PTPRD: variants seen among roughly 807,000 people sequenced by gnomAD.
The protein encoded by PTPRD is receptor-type tyrosine-protein phosphatase delta.
Under a neutral mutation model 214.5 loss-of-function variants are expected in PTPRD, and 34 were observed. The ratio of observed to expected loss-of-function variants is 0.16; its 90% confidence interval spans 0.12 to 0.21. The LOEUF (loss-of-function observed/expected upper bound fraction) is 0.21. Ranked by LOEUF, PTPRD falls within the 10% of genes least tolerant of loss-of-function variation. The probability of loss-of-function intolerance (pLI) is 1.00; values close to 1 mark genes in which losing one functional copy is unlikely to be tolerated. For missense variants in PTPRD, 2,545 were observed against 2,398.7 expected, an observed-to-expected ratio of 1.06 and a Z score of -1.27; for synonymous variants, 1,128 against 845.7, an observed-to-expected ratio of 1.33 and a Z score of -5.79.
chr9:9,535,216 C>T (rs562444289), intron 8 of PTPRD, among the ~76,000 whole-genome samples: 2 of 152,036 alleles, frequency 1.3e-5, no homozygotes, highest in Admixed American at 1.3e-4. Context: ...CAAACACATA[C>T]TGATTCATTT....
intron 4 of PTPRD, among the ~76,000 whole-genome samples, chr9:9,995,866 A>C (rs2096103449): frequency 6.6e-6 from 1 of 152,150 alleles, no homozygotes; most frequent in Non-Finnish European, 1.5e-5. Flanking sequence ...CCTATTACTC[A>C]GTTACTGTTA....
intron 4 of PTPRD, among the ~76,000 whole-genome samples, chr9:9,973,757 T>C (rs1261771942): frequency 2.0e-5 from 3 of 152,164 alleles, no homozygotes; most frequent in Admixed American, 2.0e-4. Flanking sequence ...AACATGTTAC[T>C]TGGCACAGAG....
At chr9:8,821,986 A>G (rs1449633991) in intron 11 of PTPRD, among the ~76,000 whole-genome samples, 1 of 152,182 alleles carries the variant, frequency 6.6e-6, no homozygotes, top group African/African-American at 2.4e-5. Context: ...TTAACAAGGC[A>G]AAAGTCTTTA....
intron 2 of PTPRD, among the ~76,000 whole-genome samples, chr9:10,540,277 C>A (rs959551413): frequency 2.0e-5 from 3 of 152,186 alleles, no homozygotes; most frequent in African/African-American, 7.2e-5. Context: ...ATCTTCCTGC[C>A]TCGGCCTCCC....
chr9:9,551,651 C>T (rs2080281383), intron 8 of PTPRD, among the ~76,000 whole-genome samples: 1 of 151,948 alleles, frequency 6.6e-6, no homozygotes, highest in Admixed American at 6.6e-5. Context: ...TTTCATCAAG[C>T]CTTCTTTAAT....
At position 9,167,454 on chromosome 9, in the gene PTPRD, G is replaced by A. The variant is rs192525498; in HGVS notation, c.-143+15850C>T. 7.9e-3 allele frequency among the ~76,000 whole-genome samples: 1,203 copies of A among 151,622 alleles called. 11 individuals are homozygous for A. Among genetic ancestry groups the A allele is most frequent in the Middle Eastern group, 0.01 (3 of 294 alleles). On this transcript the variant is annotated intron_variant, in intron 10 of 45. Transcript: ENST00000381196. ...ACATAAATATTATTGCTATAATATC[G>A]TGTTAAAAAAATAAGGAGGGCTGGG...
intron 10 of PTPRD, among the ~76,000 whole-genome samples, chr9:9,025,053 C>A (rs1023252218): frequency 2.6e-5 from 4 of 151,704 alleles, no homozygotes; most frequent in Admixed American, 6.6e-5. Context: ...TTGTTTAGTC[C>A]CTTGTAAATT....
At chr9:8,321,479 GTGTGTGTGTATATATA>G (rs1352863123) in intron 44 of PTPRD, among the ~76,000 whole-genome samples, 5 of 58,128 alleles carry the variant, frequency 8.6e-5, no homozygotes, top group Non-Finnish European at 1.3e-4. Context: ...GTGTGTGTGT[GTGTGTGTGTATATATA>G]TATATATATA....
intron 7 of PTPRD, among the ~76,000 whole-genome samples, chr9:9,666,905 T>A (rs1474655001): frequency 6.6e-6 from 1 of 152,086 alleles, no homozygotes; most frequent in Non-Finnish European, 1.5e-5. Context: ...TACATTGTTG[T>A]ATTTAATGCA....
chr9:8,632,217 C>T (rs1410095994), intron 14 of PTPRD, among the ~76,000 whole-genome samples: 1 of 151,140 alleles, frequency 6.6e-6, no homozygotes, highest in Non-Finnish European at 1.5e-5. Flanking sequence ...TTACTGCTGG[C>T]CTCCAAATAA....
At position 8,436,616 on chromosome 9, in the gene PTPRD, G is replaced by A; in HGVS notation, c.4062C>T (p.Asn1354=). The A allele has an allele frequency of 6.2e-7, 1 of 1,613,252 alleles. No homozygotes were observed. The highest frequency in any genetic ancestry group is 8.5e-7 in the Non-Finnish European group (1 of 1,179,478). ...DHIERLKAND[N]LKFSQEYESI... is the part of the protein sequence containing the mutation. Reference sequence around the variant, plus strand: ...CCTCATATTCCTGGGAAAACTTCAAGTTGTCATTTGCTTTCAATCTTTCAA... The same window carrying A: ...CCTCATATTCCTGGGAAAACTTCAAATTGTCATTTGCTTTCAATCTTTCAA... The change falls in exon 35 of 46, where the codon AAC becomes AAT. Residue 1354 remains asparagine (N), a synonymous_variant. Transcript: ENST00000381196.
intron 11 of PTPRD, among the ~76,000 whole-genome samples, chr9:8,829,665 C>T (rs544638741): frequency 3.7e-4 from 56 of 152,156 alleles, no homozygotes; most frequent in African/African-American, 1.3e-3. Context: ...CCTGGGAGCT[C>T]GGTTACTAGG....
At chr9:10,207,889 T>C (rs2099491860) in intron 3 of PTPRD, among the ~76,000 whole-genome samples, 1 of 152,142 alleles carries the variant, frequency 6.6e-6, no homozygotes, top group African/African-American at 2.4e-5. Flanking sequence ...AACTAATTTT[T>C]AAAAAGGAAA....
intron 2 of PTPRD, among the ~76,000 whole-genome samples, chr9:10,561,078 A>G (rs1181935842): frequency 2.0e-5 from 3 of 152,198 alleles, no homozygotes; most frequent in African/African-American, 7.2e-5. Flanking sequence ...ATGAATATAT[A>G]AAATTGACTT....
At chr9:8,868,488 G>A (rs952389646) in intron 11 of PTPRD, among the ~76,000 whole-genome samples, 2 of 152,114 alleles carry the variant, frequency 1.3e-5, no homozygotes, top group Non-Finnish European at 2.9e-5. Flanking sequence ...ACAGGCATGA[G>A]CCACTGTGCC....
chr9:8,539,721 C>T (rs1332849335), intron 14 of PTPRD, among the ~76,000 whole-genome samples: 1 of 151,964 alleles, frequency 6.6e-6, no homozygotes, highest in Non-Finnish European at 1.5e-5. Flanking sequence ...AAACCCCAAA[C>T]AAGAACATTT....
At chr9:10,602,189 T>C (rs1286923140) in intron 2 of PTPRD, among the ~76,000 whole-genome samples, 1 of 151,816 alleles carries the variant, frequency 6.6e-6, no homozygotes, top group Admixed American at 6.6e-5. Context: ...ACCTGACAAA[T>C]GTATACCTGA....
intron 7 of PTPRD, among the ~76,000 whole-genome samples, chr9:9,650,726 T>C (rs910763906): frequency 6.6e-6 from 1 of 151,998 alleles, no homozygotes; most frequent in Non-Finnish European, 1.5e-5. Flanking sequence ...CAAATCCCCA[T>C]GACACAAGTT....
chr9:10,525,019 C>A (rs557802845), intron 2 of PTPRD, among the ~76,000 whole-genome samples: 3 of 151,780 alleles, frequency 2.0e-5, no homozygotes, highest in Admixed American at 6.6e-5. Context: ...TTCTTCTCTG[C>A]AGACAAATGC....
Sources: allele counts gnomAD v4.1 joint callset (sites outside exome capture counted in the v4.1 genomes callset), GRCh38; gene constraint gnomAD v4.1.1; transcripts MANE v1.5; gene names NCBI Gene and HGNC (gene_info 2026-07-23, HGNC 2026-07-21).